Variants in CCDC15 observed in about 807,000 individuals in gnomAD.
CCDC15 encodes the protein coiled-coil domain-containing protein 15.
CCDC15 carries 105 observed loss-of-function variants against 114.5 expected under a neutral mutation model. The observed-to-expected ratio is 0.92, with a 90% CI of 0.78 to 1.08. The LOEUF (loss-of-function observed/expected upper bound fraction) is 1.08. Among genes scored for constraint, CCDC15 ranks in the 50% least tolerant of loss-of-function variants. The probability of loss-of-function intolerance (pLI) is 0.00; values close to 1 mark genes in which losing one functional copy is unlikely to be tolerated. For missense variants in CCDC15, 1,105 were observed against 1,093.6 expected (o/e 1.01, Z -0.15); for synonymous variants, 334 against 377.8 (o/e 0.88, Z 1.34).
intron 13 of CCDC15, among the ~76,000 whole-genome samples, chr11:125,031,785 A>C (rs1465850780): frequency 6.6e-6 from 1 of 152,230 alleles, no homozygotes; most frequent in African/African-American, 2.4e-5. Flanking sequence ...CAGCTCGCAC[A>C]GCAGCCTGGA....
chr11:124,987,187 C>A lies in CCDC15; in HGVS notation c.961C>A (p.His321Asn). Reference protein sequence around the residue: ...LMEEEEQKQLHFEGLQDILPE... With the variant: ...LMEEEEQKQLNFEGLQDILPE... ...GGAAGAGGAAGAACAAAAGCAGTTA[C>A]ATTTTGAGGGCCTTCAGGATATTCT... The change falls in exon 8 of 16, where the codon CAT becomes AAT. Residue 321 changes from histidine to asparagine, a missense_variant. Transcript: ENST00000344762. 6.6e-7 allele frequency: 1 copy of A among 1,522,974 alleles called. No homozygotes were observed. The highest frequency in any genetic ancestry group is 8.8e-7 in the Non-Finnish European group (1 of 1,139,836). 94.3% of individuals were successfully genotyped at this position (1,522,974 alleles called of 1,614,324 possible).
intron 4 of CCDC15, among the ~76,000 whole-genome samples, chr11:124,963,926 A>G (rs1422571374): frequency 6.6e-6 from 1 of 152,178 alleles, no homozygotes; most frequent in African/African-American, 2.4e-5. Context: ...TGCTTTTGTC[A>G]GATTTGTCAA....
intron 13 of CCDC15, among the ~76,000 whole-genome samples, chr11:125,034,639 G>A (rs1023270961): frequency 3.9e-5 from 6 of 152,084 alleles, no homozygotes; most frequent in Admixed American, 1.3e-4. Flanking sequence ...TTATGTACAG[G>A]GTCACTAAAC....
intron 4 of CCDC15, among the ~76,000 whole-genome samples, chr11:124,960,226 ATAC>A (rs1947636338): frequency 6.6e-6 from 1 of 151,216 alleles, no homozygotes; most frequent in African/African-American, 2.4e-5. Flanking sequence ...GTTTGGTAAG[ATAC>A]TCTAAAATTA....
At chr11:125,000,943 A>G (rs1322373417) in intron 11 of CCDC15, among the ~76,000 whole-genome samples, 4 of 152,190 alleles carry the variant, frequency 2.6e-5, no homozygotes, top group African/African-American at 9.7e-5. Flanking sequence ...ATTTCTCTTT[A>G]AAACACCTTA....
At chr11:124,989,526 C>A (rs10750292) in intron 8 of CCDC15, among the ~76,000 whole-genome samples, 76,705 of 151,944 alleles carry the variant, frequency 0.5, 20,261 homozygotes, top group East Asian at 0.81. Context: ...AACTTTGAAG[C>A]CAGACATTGA....
intron 13 of CCDC15, among the ~76,000 whole-genome samples, chr11:125,029,450 C>T (rs540377109): frequency 6.6e-6 from 1 of 152,320 alleles, no homozygotes; most frequent in East Asian, 1.9e-4. Flanking sequence ...AATACTATTA[C>T]TTAAAGTTAA....
At chr11:125,034,952 A>G (rs1384374082) in intron 13 of CCDC15, among the ~76,000 whole-genome samples, 2 of 152,110 alleles carry the variant, frequency 1.3e-5, no homozygotes, top group African/African-American at 4.8e-5. Flanking sequence ...GGAGTTTATT[A>G]AGGAGTATTA....
Position 124,993,171 on chromosome 11 carries a change from C to G in CCDC15, c.2142C>G (p.Asn714Lys). 1 of 1,594,752 alleles carries G rather than the reference C, an allele frequency of 6.3e-7. No individual in the cohort carries two copies. Among genetic ancestry groups the G allele is most frequent in the Non-Finnish European group, 8.6e-7 (1 of 1,165,304 alleles). ...TTTGTATTTTGTTGTTCCTTTAGAA[C>G]AAGCATATCAAACTACCCTCATCTT... Reference protein sequence around the residue: ...IQDQDSPREQNKHIKLPSSFE... With the variant: ...IQDQDSPREQKKHIKLPSSFE... The change falls in exon 11 of 16, where the codon AAC becomes AAG. Residue 714 changes from asparagine to lysine, a missense_variant and splice_region_variant. Coordinates refer to ENST00000344762, the MANE Select transcript of CCDC15 (RefSeq NM_025004.3).
chr11:125,007,668 A>C (rs1387431506), intron 13 of CCDC15, among the ~76,000 whole-genome samples: 1 of 152,056 alleles, frequency 6.6e-6, no homozygotes, highest in Non-Finnish European at 1.5e-5. Context: ...ACCGTTTTCC[A>C]TAATTTCTGT....
chr11:124,974,678 A>C (rs1033581820), intron 4 of CCDC15, among the ~76,000 whole-genome samples: 1 of 152,176 alleles, frequency 6.6e-6, no homozygotes, highest in Non-Finnish European at 1.5e-5. Context: ...ATAGAGTCCT[A>C]GCAAGCAGTG....
At chr11:124,997,056 A>G (rs370721540) in intron 11 of CCDC15, among the ~76,000 whole-genome samples, 1 of 152,210 alleles carries the variant, frequency 6.6e-6, no homozygotes, top group African/African-American at 2.4e-5. Flanking sequence ...TGCATCAATA[A>G]TGTATTCTTT....
At chr11:124,970,850 C>T (rs1044240242) in intron 4 of CCDC15, among the ~76,000 whole-genome samples, 1 of 152,076 alleles carries the variant, frequency 6.6e-6, no homozygotes, top group Non-Finnish European at 1.5e-5. Context: ...TCATAGTTTG[C>T]TTTAGATTTT....
In CCDC15 at chr11:124,970,985, T is replaced by C. The variant is rs57768842; in HGVS notation, c.517-4111T>C. Among the ~76,000 whole-genome samples, 28 of 152,318 alleles carry C rather than the reference T, an allele frequency of 1.8e-4. No homozygotes were observed. The East Asian group carries it at 3.9e-3, about 21-fold the overall frequency. ...CATTTTTTTTGGTGTGCAGAAGACA[T>C]TGCATCAAGGCCTATTTTTATTTGA... On this transcript the variant is annotated intron_variant, in intron 4 of 15. Transcript: ENST00000344762.
At position 124,987,304 on chromosome 11, in the gene CCDC15, A is replaced by G. The variant is rs747794520; in HGVS notation, c.1078A>G (p.Thr360Ala). Reference protein sequence around the residue: ...LTGIQSVKPDTQAVEMKVQVT... With the variant: ...LTGIQSVKPDAQAVEMKVQVT... The stretch of plus-strand genomic sequence containing the variant: ...AGGAATCCAGAGTGTTAAGCCAGAT[A>G]CCCAGGCTGTTGAAATGAAGGTTCA... The change falls in exon 8 of 16, where the codon ACC becomes GCC. Residue 360 changes from threonine to alanine, a missense_variant. Physicochemically the swap from Thr to Ala is moderately conservative, Grantham distance 58. Transcript: ENST00000344762. 12 of 1,612,452 alleles carry G rather than the reference A, an allele frequency of 7.4e-6. No individual in the cohort carries two copies. The highest frequency in any genetic ancestry group is 1.0e-5 in the Non-Finnish European group (12 of 1,179,304).
At chr11:124,996,120 T>C (rs1948364696) in intron 11 of CCDC15, among the ~76,000 whole-genome samples, 1 of 152,064 alleles carries the variant, frequency 6.6e-6, no homozygotes, top group African/African-American at 2.4e-5. Context: ...TGTGAGCCAC[T>C]GTACCTGGCC....
At chr11:125,022,230 C>T (rs1403613307) in intron 13 of CCDC15, among the ~76,000 whole-genome samples, 2 of 151,762 alleles carry the variant, frequency 1.3e-5, no homozygotes, top group East Asian at 1.9e-4. Flanking sequence ...TCTATATTAC[C>T]TTCCTCACAT....
At chr11:125,015,241 A>G (rs1351510045) in intron 13 of CCDC15, among the ~76,000 whole-genome samples, 1 of 152,166 alleles carries the variant, frequency 6.6e-6, no homozygotes, top group African/African-American at 2.4e-5. Flanking sequence ...AGCCATAGGA[A>G]TAAGTGCAAA....
chr11:125,013,051 T>G (rs1159301521), intron 13 of CCDC15, among the ~76,000 whole-genome samples: 1 of 152,176 alleles, frequency 6.6e-6, no homozygotes, highest in South Asian at 2.1e-4. Context: ...TAACATTGTA[T>G]CTGACATTTA....
Sources: gnomAD v4.1 joint callset for allele counts (sites outside exome capture counted in the v4.1 genomes callset) on GRCh38, gnomAD v4.1.1 for gene constraint, MANE v1.5 for transcripts, NCBI Gene and HGNC (gene_info 2026-07-23, HGNC 2026-07-21) for gene names.